The following SLC35F4 variants were observed in gnomAD, a reference collection of about 807,000 sequenced individuals.
SLC35F4 encodes the protein solute carrier family 35 member F4, also known as chromosome 14 open reading frame 36.
Under a neutral mutation model 44.2 loss-of-function variants are expected in SLC35F4, and 24 were observed. That is an observed-to-expected ratio of 0.54 (90% CI 0.39 to 0.76). The LOEUF (loss-of-function observed/expected upper bound fraction) is 0.76, where lower values mean the gene tolerates loss of function less well. Ranked by LOEUF, SLC35F4 falls within the 30% of genes least tolerant of loss-of-function variation. The probability of loss-of-function intolerance (pLI) is 0.00; values close to 1 mark genes in which losing one functional copy is unlikely to be tolerated. For synonymous variants in SLC35F4, 238 were observed against 223.6 expected, an observed-to-expected ratio of 1.06 and a Z score of -0.57; for missense variants, 562 against 586.1, an observed-to-expected ratio of 0.96 and a Z score of 0.42.
chr14:57,688,595 G>A (rs1269692405), intron 1 of SLC35F4, among the ~76,000 whole-genome samples: 3 of 152,088 alleles, frequency 2.0e-5, no homozygotes, highest in African/African-American at 4.8e-5. Flanking sequence ...AACAATGATC[G>A]CATCTCCACG....
chr14:57,864,729 A>G (rs141978376), intron 1 of SLC35F4, among the ~76,000 whole-genome samples: 1 of 152,348 alleles, frequency 6.6e-6, no homozygotes, highest in East Asian at 1.9e-4. Flanking sequence ...AAAAACATCA[A>G]TTAAGCTTCA....
At chr14:57,777,851 C>T (rs1595037170) in intron 1 of SLC35F4, among the ~76,000 whole-genome samples, 1 of 126,352 alleles carries the variant, frequency 7.9e-6, no homozygotes, top group Non-Finnish European at 1.8e-5. Flanking sequence ...ATGCCATCTT[C>T]CAGAGACCCA....
At chr14:57,937,628 AAGAAAAGAAAAG>A (rs981358212) in intron 1 of SLC35F4, among the ~76,000 whole-genome samples, 1 of 131,168 alleles carries the variant, frequency 7.6e-6, no homozygotes, top group African/African-American at 3.0e-5. Context: ...AAGAAAAGAA[AAGAAAAGAAAAG>A]AAAAGAAAAG....
At chr14:57,615,349 C>T (rs1337199642) in intron 1 of SLC35F4, among the ~76,000 whole-genome samples, 2 of 74,486 alleles carry the variant, frequency 2.7e-5, no homozygotes, top group African/African-American at 4.1e-5. Flanking sequence ...AAGAAACAAA[C>T]ATTTTCCTTT....
intron 1 of SLC35F4, among the ~76,000 whole-genome samples, chr14:57,601,868 A>G (rs1212542920): frequency 1.3e-5 from 2 of 152,280 alleles, no homozygotes; most frequent in African/African-American, 4.8e-5. Context: ...GGTGTATTTT[A>G]CTATCCCCAT....
intron 1 of SLC35F4, among the ~76,000 whole-genome samples, chr14:57,626,562 G>C (rs192928134): frequency 4.4e-4 from 67 of 152,206 alleles, no homozygotes; most frequent in African/African-American, 1.6e-3. Context: ...GCATATTACT[G>C]TAGATATGGT....
At chr14:57,602,605 A>C (rs2070895253) in intron 1 of SLC35F4, 4 of 152,176 alleles carry the variant, frequency 2.6e-5, no homozygotes, top group Non-Finnish European at 5.9e-5. Flanking sequence ...TAAACAATGC[A>C]CAATAATCAT....
At chr14:57,621,336 C>T (rs1243199680) in intron 1 of SLC35F4, among the ~76,000 whole-genome samples, 1 of 151,320 alleles carries the variant, frequency 6.6e-6, no homozygotes, top group African/African-American at 2.4e-5. Flanking sequence ...TCATATGGAA[C>T]CAAAAAAGAG....
intron 1 of SLC35F4, among the ~76,000 whole-genome samples, chr14:57,780,646 G>C (rs2077595007): frequency 6.6e-6 from 1 of 151,944 alleles, no homozygotes; most frequent in Non-Finnish European, 1.5e-5. Flanking sequence ...AGAACAAAAA[G>C]AACAAAACAA....
chr14:57,581,508 A>G (rs1287465081), intron 3 of SLC35F4, 75 bp from the exon 4 acceptor site: 4 of 1,322,198 alleles, frequency 3.0e-6, no homozygotes, highest in Non-Finnish European at 4.2e-6. Flanking sequence ...CATCGCAGCC[A>G]TTTTCAGGTA....
chr14:57,809,331 A>G (rs528461539), intron 1 of SLC35F4, among the ~76,000 whole-genome samples: 1 of 152,308 alleles, frequency 6.6e-6, no homozygotes, highest in Admixed American at 6.5e-5. Context: ...CCTTGCAGTT[A>G]GGTGGAATCA....
chr14:57,968,800 T>C (rs898964594), intron 1 of SLC35F4, among the ~76,000 whole-genome samples: 1 of 152,188 alleles, frequency 6.6e-6, no homozygotes, highest in Non-Finnish European at 1.5e-5. Flanking sequence ...AAACCCCATC[T>C]TTGAAGGCCA....
At chr14:57,957,281 G>C (rs1462917542) in intron 1 of SLC35F4, among the ~76,000 whole-genome samples, 1 of 151,994 alleles carries the variant, frequency 6.6e-6, no homozygotes, top group Non-Finnish European at 1.5e-5. Flanking sequence ...ACACACCGGG[G>C]ACTGTCAGGG....
At chr14:57,668,925 T>C (rs1197427615) in intron 1 of SLC35F4, among the ~76,000 whole-genome samples, 3 of 152,136 alleles carry the variant, frequency 2.0e-5, no homozygotes, top group Non-Finnish European at 2.9e-5. Flanking sequence ...TTGGGCAGTA[T>C]GGCCATTTTC....
intron 1 of SLC35F4, among the ~76,000 whole-genome samples, chr14:57,657,271 T>C (rs2073998884): frequency 6.6e-6 from 1 of 152,216 alleles, no homozygotes; most frequent in Non-Finnish European, 1.5e-5. Flanking sequence ...CAGTCCTTTT[T>C]TTTCTGGGCT....
chr14:57,948,454 T>C (rs937725708), intron 1 of SLC35F4, among the ~76,000 whole-genome samples: 3 of 152,182 alleles, frequency 2.0e-5, no homozygotes, highest in Non-Finnish European at 2.9e-5. Flanking sequence ...TAACGGTCTA[T>C]CAATTTTGTT....
At chr14:57,797,756 G>A (rs1234933247) in intron 1 of SLC35F4, among the ~76,000 whole-genome samples, 1 of 152,098 alleles carries the variant, frequency 6.6e-6, no homozygotes, top group East Asian at 1.9e-4. Flanking sequence ...GAAACACTGG[G>A]TGATAAGTAG....
At chr14:57,801,488 G>C (rs1415222831) in intron 1 of SLC35F4, among the ~76,000 whole-genome samples, 1 of 152,004 alleles carries the variant, frequency 6.6e-6, no homozygotes, top group Non-Finnish European at 1.5e-5. Flanking sequence ...CTAGCATCAT[G>C]GTGACAAAAG....
intron 1 of SLC35F4, among the ~76,000 whole-genome samples, chr14:57,830,464 A>T (rs1175599098): frequency 6.6e-6 from 1 of 152,216 alleles, no homozygotes; most frequent in Non-Finnish European, 1.5e-5. Flanking sequence ...ATATGCCCCA[A>T]ATATGAAGTT....
Sources: allele counts gnomAD v4.1 joint callset (sites outside exome capture counted in the v4.1 genomes callset), GRCh38; gene constraint gnomAD v4.1.1; transcripts MANE v1.5; gene names NCBI Gene and HGNC (gene_info 2026-07-23, HGNC 2026-07-21).